The following PLAAT3 variants were observed in gnomAD, a reference collection of about 807,000 sequenced individuals.
PLAAT3 encodes Ca-independent phospholipase A1/2.
PLAAT3 carries 21 observed loss-of-function variants against 16.7 expected under a neutral mutation model. The ratio of observed to expected loss-of-function variants is 1.26; its 90% CI spans 0.89 to 1.81. The LOEUF is 1.81. PLAAT3 is among the 40% of genes most tolerant of loss of function. The pLI is 0.00. For synonymous variants in PLAAT3, 76 were observed against 81.7 expected (o/e 0.93, Z 0.38); for missense variants, 219 against 213.7 (o/e 1.02, Z -0.16).
chr11:63,598,090 T>C lies in PLAAT3; in HGVS notation c.89A>G (p.Asp30Gly). ...AGGGGCCAGATGAACCACATATCCA[T>C]CGCCAACATAGATGGCCCAGTGTCT... is the stretch of plus-strand genomic sequence containing the variant. Reference protein sequence around the residue: ...FYRHWAIYVGDGYVVHLAPPS... With the variant: ...FYRHWAIYVGGGYVVHLAPPS... Residue 30 changes from aspartate to glycine, a missense_variant, in exon 3 of 5, where the codon GAT becomes GGT. Asp to Gly is a moderately conservative substitution (Grantham distance 94). Coordinates refer to ENST00000415826, the MANE Select transcript of PLAAT3 (RefSeq NM_001128203.2). 2 of 1,613,446 alleles carry C rather than the reference T, an allele frequency of 1.2e-6. No homozygotes were observed. Among genetic ancestry groups the C allele is most frequent in the Non-Finnish European group, 1.7e-6 (2 of 1,179,378 alleles).
chr11:63,598,056 C>T lies in PLAAT3; in HGVS notation c.118+5G>A. 1 of 1,599,434 alleles carries T rather than the reference C, an allele frequency of 6.3e-7. No homozygotes were observed. Among genetic ancestry groups the T allele is most frequent in the Non-Finnish European group, 8.6e-7 (1 of 1,166,568 alleles). ...CATCACAGTGGAGGTCCCATGTGTT[C>T]TTACTTGGAGGGGCCAGATGAACCA... On this transcript the variant is annotated splice_donor_5th_base_variant and intron_variant, in intron 3 of 4. Transcript: ENST00000415826.
chr11:63,584,729 C>T (rs1937920481), intron 4 of PLAAT3, among the ~76,000 whole-genome samples: 1 of 152,000 alleles, frequency 6.6e-6, no homozygotes, highest in South Asian at 2.1e-4. Context: ...CCAGGATGGT[C>T]TTGATCTCCT....
intron 2 of PLAAT3, chr11:63,598,634 C>A: frequency 2.0e-6 from 1 of 510,910 alleles, no homozygotes. Flanking sequence ...ACTGAACGCC[C>A]AGTTGGCTGA....
intron 2 of PLAAT3, among the ~76,000 whole-genome samples, chr11:63,599,489 C>T (rs985594822): frequency 2.6e-5 from 4 of 152,172 alleles, no homozygotes; most frequent in African/African-American, 7.2e-5. Flanking sequence ...AACTCTACAA[C>T]GCCTATGAAG....
chr11:63,590,204 G>A lies in PLAAT3; in HGVS notation c.283C>T (p.Arg95Trp), dbSNP rs202079270. Residue 95 changes from arginine to tryptophan, a missense_variant, in exon 4 of 5, where the codon CGG becomes TGG. Physicochemically the swap from Arg to Trp is moderately radical, Grantham distance 101. Coordinates refer to ENST00000415826, the MANE Select transcript of PLAAT3 (RefSeq NM_001128203.2). ...TCCTGCCCCACCAGCTCCTCCGCCCGCTGGATGATTTTGCTGCAGGGCAGC... is the reference window on the plus strand; with the variant it reads ...TCCTGCCCCACCAGCTCCTCCGCCCACTGGATGATTTTGCTGCAGGGCAGC... Reference protein sequence around the residue: ...SPLPCSKIIQRAEELVGQEVL... With the variant: ...SPLPCSKIIQWAEELVGQEVL... The A allele has an allele frequency of 2.8e-4, 447 of 1,614,190 alleles. 5 individuals are homozygous for A. In the East Asian group the frequency reaches 6.3e-3, roughly 23 times the overall value.
chr11:63,581,408 T>A (rs1028219421), intron 4 of PLAAT3, among the ~76,000 whole-genome samples: 8 of 151,752 alleles, frequency 5.3e-5, no homozygotes, highest in African/African-American at 1.9e-4. Flanking sequence ...GCTCTGGGAG[T>A]GTCTGTCTGA....
upstream of PLAAT3, among the ~76,000 whole-genome samples, chr11:63,615,140 G>GTGTGTATGTGTGTA (rs1555047889): frequency 1.6e-5 from 1 of 62,470 alleles, no homozygotes; most frequent in African/African-American, 5.5e-5. Context: ...ATGTATATGT[G>GTGTGTATGTGTGTA]TATATGTGTG....
intron 4 of PLAAT3, among the ~76,000 whole-genome samples, chr11:63,578,392 G>A (rs1403010761): frequency 6.6e-6 from 1 of 152,152 alleles, no homozygotes; most frequent in African/African-American, 2.4e-5. Context: ...ATTGGGTAAA[G>A]ATATTACAAC....
At chr11:63,590,948 G>A (rs946793691) in intron 3 of PLAAT3, among the ~76,000 whole-genome samples, 1 of 152,210 alleles carries the variant, frequency 6.6e-6, no homozygotes, top group Admixed American at 6.5e-5. Context: ...AAATGATCTT[G>A]AAGACAAGGA....
At chr11:63,597,664 G>T (rs1459001200) in intron 3 of PLAAT3, among the ~76,000 whole-genome samples, 1 of 152,194 alleles carries the variant, frequency 6.6e-6, no homozygotes, top group Non-Finnish European at 1.5e-5. Context: ...TAGGGTTCAT[G>T]CTCCTATGAG....
At chr11:63,598,279 G>A in intron 2 of PLAAT3, 116 bp from the exon 3 acceptor site, 1 of 703,476 alleles carries the variant, frequency 1.4e-6, no homozygotes, top group Admixed American at 2.1e-5. Flanking sequence ...CAGAACATAT[G>A]TCCTGAGCCC....
chr11:63,614,522 G>C, upstream of PLAAT3: 1 of 154,006 alleles, frequency 6.5e-6, no homozygotes, highest in Non-Finnish European at 1.4e-5. Context: ...GCCCGGCCCC[G>C]GTCCCGAGCC....
intron 2 of PLAAT3, among the ~76,000 whole-genome samples, chr11:63,611,490 CTT>C (rs1938692207): frequency 1.3e-5 from 2 of 152,284 alleles, no homozygotes; most frequent in East Asian, 1.9e-4. Context: ...CCTTCTAAAA[CTT>C]TTGTCTTCTA....
chr11:63,575,113 A>T, intron 4 of PLAAT3, 67 bp from the exon 5 acceptor site: 1 of 1,081,458 alleles, frequency 9.2e-7, no homozygotes, highest in African/African-American at 1.5e-5. Flanking sequence ...CACATTCAGC[A>T]GAAACATTCA....
intron 4 of PLAAT3, among the ~76,000 whole-genome samples, chr11:63,577,830 G>A (rs903075560): frequency 2.6e-5 from 4 of 151,734 alleles, no homozygotes; most frequent in African/African-American, 4.8e-5. Context: ...AAAAAATAAT[G>A]CAATATTGAG....
intron 4 of PLAAT3, among the ~76,000 whole-genome samples, chr11:63,589,221 G>A (rs141725315): frequency 6.6e-6 from 1 of 152,052 alleles, no homozygotes; most frequent in African/African-American, 2.4e-5. Context: ...GCCCACGTTG[G>A]CCTGACTCCA....
intron 2 of PLAAT3, among the ~76,000 whole-genome samples, chr11:63,603,354 G>C (rs1451667818): frequency 6.6e-6 from 1 of 152,156 alleles, no homozygotes; most frequent in Non-Finnish European, 1.5e-5. Flanking sequence ...AACAATGGCA[G>C]AGTTGAGACT....
chr11:63,583,772 C>T (rs193211953), intron 4 of PLAAT3, among the ~76,000 whole-genome samples: 4 of 152,176 alleles, frequency 2.6e-5, no homozygotes, highest in Admixed American at 2.6e-4. Context: ...GAAAAGCTGT[C>T]TCTCATTAGA....
chr11:63,606,833 A>C (rs1291202944), intron 2 of PLAAT3, among the ~76,000 whole-genome samples: 1 of 152,194 alleles, frequency 6.6e-6, no homozygotes, highest in Non-Finnish European at 1.5e-5. Flanking sequence ...CCGGTCCGGA[A>C]GGCAACGCAG....
Sources: allele counts gnomAD v4.1 joint callset (sites outside exome capture counted in the v4.1 genomes callset), GRCh38; gene constraint gnomAD v4.1.1; transcripts MANE v1.5; gene names NCBI Gene and HGNC (gene_info 2026-07-23, HGNC 2026-07-21).